The following UNC5C variants were observed in gnomAD, a reference collection of about 807,000 sequenced individuals.
UNC5C encodes the protein unc-5 netrin receptor C, also known as netrin receptor UNC5C.
UNC5C carries 47 observed loss-of-function variants against 99.8 expected under a neutral mutation model. The ratio of observed to expected loss-of-function variants is 0.47; its 90% CI spans 0.37 to 0.60. UNC5C has a LOEUF of 0.60. UNC5C is among the 20% of genes least tolerant of loss of function. The pLI is 0.00. For synonymous variants in UNC5C, 487 were observed against 452.2 expected, an observed-to-expected ratio of 1.08 and a Z score of -0.98; for missense variants, 1,062 against 1,165.9, an observed-to-expected ratio of 0.91 and a Z score of 1.30.
intron 3 of UNC5C, among the ~76,000 whole-genome samples, chr4:95,291,488 A>G (rs1741447936): frequency 6.6e-6 from 1 of 152,214 alleles, no homozygotes; most frequent in South Asian, 2.1e-4. Context: ...TGCCTATAAC[A>G]TACGTATAGA....
At position 95,165,048 on chromosome 4, in the gene UNC5C, C is replaced by T. The variant is rs1007234824; in HGVS notation, c.*4186G>A. 2 of 152,224 alleles carry T rather than the reference C, an allele frequency of 1.3e-5. No individual in the cohort carries two copies. Among genetic ancestry groups the T allele is most frequent in the African/African-American group, 4.8e-5 (2 of 41,464 alleles). The allele number at this position is 152,224 out of a possible 1,614,324, so 9.4% of individuals were successfully genotyped here. On this transcript the variant is annotated 3_prime_UTR_variant, in exon 16 of 16. Coordinates refer to ENST00000453304, the MANE Select transcript of UNC5C (RefSeq NM_003728.4). Reference sequence around the variant, plus strand: ...CAGAGGAGTAAGCAGACCAAGAGCACAGCTGCTGTGATCCTGACAGAGACA... The same window carrying T: ...CAGAGGAGTAAGCAGACCAAGAGCATAGCTGCTGTGATCCTGACAGAGACA...
chr4:95,391,641 A>G (rs1431782448), intron 1 of UNC5C, among the ~76,000 whole-genome samples: 1 of 152,054 alleles, frequency 6.6e-6, no homozygotes, highest in African/African-American at 2.4e-5. Context: ...TGTATTAAAT[A>G]TAGATACAAA....
intron 1 of UNC5C, among the ~76,000 whole-genome samples, chr4:95,546,266 AG>A (rs1723065319): frequency 6.6e-6 from 1 of 152,206 alleles, no homozygotes; most frequent in South Asian, 2.1e-4. Flanking sequence ...GTCCAAGGAA[AG>A]GAGAAAGAAG....
intron 12 of UNC5C, among the ~76,000 whole-genome samples, chr4:95,200,224 C>A (rs4305522): frequency 0.041 from 6,224 of 152,274 alleles, 435 homozygotes; most frequent in African/African-American, 0.14. Context: ...GATGGAAATA[C>A]CCTGATATTC....
intron 4 of UNC5C, among the ~76,000 whole-genome samples, chr4:95,276,614 G>T (rs570291394): frequency 1.3e-5 from 2 of 152,286 alleles, no homozygotes; most frequent in African/African-American, 4.8e-5. Flanking sequence ...TTTCATGGAG[G>T]AGGTGTGCAT....
chr4:95,370,609 C>G (rs1402367523), intron 1 of UNC5C, among the ~76,000 whole-genome samples: 1 of 152,178 alleles, frequency 6.6e-6, no homozygotes, highest in Non-Finnish European at 1.5e-5. Flanking sequence ...TCATTTTCAG[C>G]TAATTGTTGT....
chr4:95,233,031 T>C (rs1414504759), intron 7 of UNC5C, among the ~76,000 whole-genome samples: 2 of 152,192 alleles, frequency 1.3e-5, no homozygotes, highest in Non-Finnish European at 1.5e-5. Flanking sequence ...AAACGTATCA[T>C]TCTAAAGTCA....
At chr4:95,389,631 T>G (rs1745301620) in intron 1 of UNC5C, among the ~76,000 whole-genome samples, 1 of 152,148 alleles carries the variant, frequency 6.6e-6, no homozygotes, top group African/African-American at 2.4e-5. Flanking sequence ...TGGAATAATT[T>G]TAAGTATCTT....
intron 15 of UNC5C, 43 bp downstream of exon 15, chr4:95,170,111 C>T (rs768948270): frequency 1.3e-6 from 2 of 1,597,976 alleles, no homozygotes; most frequent in Non-Finnish European, 1.7e-6. Flanking sequence ...TCCTGGAGGG[C>T]ACTAACAGAA....
At chr4:95,419,905 A>G (rs1022918582) in intron 1 of UNC5C, among the ~76,000 whole-genome samples, 1 of 152,188 alleles carries the variant, frequency 6.6e-6, no homozygotes, top group African/African-American at 2.4e-5. Flanking sequence ...AATAGCTCAG[A>G]TGTTCTTACA....
chr4:95,272,984 C>A (rs767268756), intron 4 of UNC5C, among the ~76,000 whole-genome samples: 2 of 152,234 alleles, frequency 1.3e-5, no homozygotes, highest in African/African-American at 4.8e-5. Context: ...TGGAGAGCCA[C>A]CTGATGCTGC....
intron 12 of UNC5C, among the ~76,000 whole-genome samples, chr4:95,190,358 G>C (rs1349672200): frequency 7.2e-6 from 1 of 139,330 alleles, no homozygotes; most frequent in Non-Finnish European, 1.5e-5. Flanking sequence ...GGGGAGGCGG[G>C]AGGGATAGCA....
At chr4:95,412,464 C>A (rs1012313842) in intron 1 of UNC5C, among the ~76,000 whole-genome samples, 8 of 152,246 alleles carry the variant, frequency 5.3e-5, no homozygotes, top group African/African-American at 1.7e-4. Flanking sequence ...CTTGAAGGAA[C>A]TGACCTTTAT....
chr4:95,541,462 T>C lies in UNC5C; in HGVS notation c.124+7272A>G, dbSNP rs190643137. On this transcript the variant is annotated intron_variant, in intron 1 of 15. Transcript: ENST00000453304. ...GTATCTCCTGCATTTAAGGAAGGAC[T>C]GCTGCACATGAATTTCTTTTACTTG... is the stretch of plus-strand genomic sequence containing the variant. 4.6e-3 allele frequency among the ~76,000 whole-genome samples: 706 copies of C among 152,296 alleles called. 3 individuals are homozygous for C. The highest frequency in any genetic ancestry group is 8.2e-3 in the Non-Finnish European group (561 of 68,020).
intron 6 of UNC5C, among the ~76,000 whole-genome samples, chr4:95,244,019 T>C (rs1223573522): frequency 3.3e-5 from 5 of 152,202 alleles, no homozygotes; most frequent in Non-Finnish European, 7.3e-5. Context: ...AAATCAACAC[T>C]TGGGAATGTA....
At chr4:95,233,015 G>A (rs1055187582) in intron 7 of UNC5C, among the ~76,000 whole-genome samples, 2 of 152,144 alleles carry the variant, frequency 1.3e-5, no homozygotes, top group African/African-American at 2.4e-5. Context: ...TACCACAGGC[G>A]GTTATAAACG....
chr4:95,202,698 G>A (rs770156521), intron 12 of UNC5C, 33 bp downstream of exon 12: 4 of 1,600,490 alleles, frequency 2.5e-6, no homozygotes, highest in Non-Finnish European at 3.4e-6. Flanking sequence ...CCAGGTGGAG[G>A]TGAAGAGGGC....
chr4:95,410,298 A>T (rs1745942532), intron 1 of UNC5C, among the ~76,000 whole-genome samples: 1 of 152,046 alleles, frequency 6.6e-6, no homozygotes, highest in African/African-American at 2.4e-5. Flanking sequence ...TACCACTCTA[A>T]ATGCATGATA....
intron 1 of UNC5C, among the ~76,000 whole-genome samples, chr4:95,529,358 T>A (rs930983269): frequency 6.8e-6 from 1 of 147,248 alleles, no homozygotes; most frequent in Non-Finnish European, 1.5e-5. Flanking sequence ...ATATATATAT[T>A]ATATATATAC....
Sources: gnomAD v4.1 joint callset for allele counts (sites outside exome capture counted in the v4.1 genomes callset) on GRCh38, gnomAD v4.1.1 for gene constraint, MANE v1.5 for transcripts, NCBI Gene and HGNC (gene_info 2026-07-23, HGNC 2026-07-21) for gene names.